Variants in TANGO6 observed in about 807,000 individuals in gnomAD.
The protein encoded by TANGO6 is transport and golgi organization 6 homolog, also known as transport and Golgi organization protein 6 homolog.
A neutral mutation model predicts 114.2 loss-of-function variants in TANGO6; 90 were observed. The ratio of observed to expected loss-of-function variants is 0.79; its 90% CI spans 0.66 to 0.94. TANGO6 has a LOEUF of 0.94. Ranked by LOEUF, TANGO6 falls within the 40% of genes least tolerant of loss-of-function variation. The pLI, the probability that TANGO6 is intolerant of heterozygous loss-of-function variation, is 0.00. For synonymous variants in TANGO6, 477 were observed against 509.8 expected, an observed-to-expected ratio of 0.94 and a Z score of 0.87; for missense variants, 1,274 against 1,315.3, an observed-to-expected ratio of 0.97 and a Z score of 0.49.
At chr16:69,046,078 AAAAATT>A (rs1959853331) in intron 17 of TANGO6, among the ~76,000 whole-genome samples, 2 of 151,596 alleles carry the variant, frequency 1.3e-5, no homozygotes, top group East Asian at 1.9e-4. Context: ...AAAAAAAAAA[AAAAATT>A]AAAATTAAAG....
At chr16:68,925,254 G>A (rs1414594412) in intron 12 of TANGO6, among the ~76,000 whole-genome samples, 1 of 152,090 alleles carries the variant, frequency 6.6e-6, no homozygotes, top group African/African-American at 2.4e-5. Context: ...AGGTTGCAGT[G>A]AGCCAAGATT....
chr16:68,895,195 A>G (rs1962688814), intron 7 of TANGO6, among the ~76,000 whole-genome samples: 2 of 152,138 alleles, frequency 1.3e-5, no homozygotes, highest in Admixed American at 1.3e-4. Flanking sequence ...TAAAAGCAGT[A>G]ACAATTAGCC....
chr16:69,075,480 G>T (rs2152244197), intron 17 of TANGO6, among the ~76,000 whole-genome samples: 1 of 149,922 alleles, frequency 6.7e-6, no homozygotes, highest in South Asian at 2.1e-4. Context: ...TTGAGACAGG[G>T]TCTCACTCTG....
At position 68,878,197 on chromosome 16, in the gene TANGO6, T is replaced by C; in HGVS notation, c.1211T>C (p.Leu404Ser). ...GTTGCCACCACTACCTTTATAACTT[T>C]GTCAAGAGAACGCCCACATTTGGCA... Reference protein sequence around the residue: ...QRVATTTFITLSRERPHLAAK... With the variant: ...QRVATTTFITSSRERPHLAAK... Residue 404 changes from leucine (L) to serine (S), a missense_variant, in exon 6 of 18, where the codon TTG becomes TCG. This residue lies in a region of TANGO6 where 908 missense variants were observed against 910.2 expected (regional missense o/e 1.00). Coordinates refer to ENST00000261778, the MANE Select transcript of TANGO6 (RefSeq NM_024562.2). 3.1e-6 allele frequency: 5 copies of C among 1,613,572 alleles called. No homozygotes were observed. The highest frequency in any genetic ancestry group is 4.2e-6 in the Non-Finnish European group (5 of 1,179,754).
intron 11 of TANGO6, among the ~76,000 whole-genome samples, chr16:68,914,958 T>TAC (rs3061679): frequency 0.12 from 15,679 of 135,092 alleles, 999 homozygotes; most frequent in African/African-American, 0.19. Context: ...TTTTGATATC[T>TAC]ACACACACAC....
At chr16:69,045,965 G>A (rs987223613) in intron 17 of TANGO6, among the ~76,000 whole-genome samples, 2 of 150,570 alleles carry the variant, frequency 1.3e-5, no homozygotes, top group African/African-American at 4.9e-5. Context: ...TCAGGAGGCT[G>A]AGGCAGGAGA....
In TANGO6 at chr16:68,921,430, C is replaced by T. The variant is rs111462642; in HGVS notation, c.2127+2211C>T. Among the ~76,000 whole-genome samples, 758 of 151,964 alleles carry T rather than the reference C, an allele frequency of 5.0e-3. 6 individuals carry two copies. Among genetic ancestry groups the T allele is most frequent in the African/African-American group, 0.017 (723 of 41,522 alleles). ...AACCCCTGACCTCAAGTGATTCACCCGCCTCGGCCTCCCAAAGTGTTACAG... is the reference window on the plus strand; with the variant it reads ...AACCCCTGACCTCAAGTGATTCACCTGCCTCGGCCTCCCAAAGTGTTACAG... On this transcript the variant is annotated intron_variant, in intron 12 of 17. Coordinates refer to ENST00000261778, the MANE Select transcript of TANGO6 (RefSeq NM_024562.2).
At chr16:68,928,639 G>GCA in intron 13 of TANGO6, among the ~76,000 whole-genome samples, 1 of 152,134 alleles carries the variant, frequency 6.6e-6, no homozygotes, top group Admixed American at 6.5e-5. Context: ...TGGGCAGTCA[G>GCA]GAAAAAGAGA....
intron 6 of TANGO6, among the ~76,000 whole-genome samples, chr16:68,880,120 G>A (rs1462945072): frequency 4.6e-5 from 7 of 151,748 alleles, no homozygotes. Flanking sequence ...CTACAGGCCT[G>A]CCCCACCACA....
chr16:68,952,140 C>G (rs1244094566), intron 14 of TANGO6, among the ~76,000 whole-genome samples: 2 of 152,144 alleles, frequency 1.3e-5, no homozygotes, highest in African/African-American at 4.8e-5. Context: ...ACTTTACAAG[C>G]TATTAAGGAG....
intron 17 of TANGO6, among the ~76,000 whole-genome samples, chr16:69,074,798 CTGTGTGTGTGTGTGTGTGTG>C (rs60702668): frequency 1.5e-5 from 2 of 135,172 alleles, no homozygotes; most frequent in Admixed American, 7.7e-5. Context: ...GTTCGAATGC[CTGTGTGTGTGTGTGTGTGTG>C]TGTGTGTGTG....
intron 15 of TANGO6, among the ~76,000 whole-genome samples, chr16:68,997,177 C>T (rs1963999531): frequency 6.6e-6 from 1 of 152,196 alleles, no homozygotes; most frequent in South Asian, 2.1e-4. Context: ...AATTGGGGTT[C>T]AGCCTAGGCG....
chr16:69,046,826 G>A (rs920291084), intron 17 of TANGO6, among the ~76,000 whole-genome samples: 1 of 151,994 alleles, frequency 6.6e-6, no homozygotes, highest in Non-Finnish European at 1.5e-5. Flanking sequence ...GAAAGATGGA[G>A]TACTAGAAAT....
At chr16:69,005,681 G>T (rs1964085912) in intron 15 of TANGO6, among the ~76,000 whole-genome samples, 1 of 151,916 alleles carries the variant, frequency 6.6e-6, no homozygotes. Context: ...CCAGCTACTT[G>T]GGAGGCTGAG....
chr16:69,079,137 C>A lies in TANGO6; in HGVS notation c.3109-4348C>A, dbSNP rs999380784. On this transcript the variant is annotated intron_variant, in intron 17 of 17. Transcript: ENST00000261778. ...GGTCAGGATTGCAAAACCAGCCTGACCAACATGGCAAAACCCTGTCTCTAT... is the reference window on the plus strand; with the variant it reads ...GGTCAGGATTGCAAAACCAGCCTGAACAACATGGCAAAACCCTGTCTCTAT... 4.3e-4 allele frequency among the ~76,000 whole-genome samples: 66 copies of A among 151,902 alleles called. 1 individual carries two copies. The highest frequency in any genetic ancestry group is 1.5e-3 in the African/African-American group (61 of 41,390).
chr16:69,018,546 T>C (rs1355024786), intron 15 of TANGO6, among the ~76,000 whole-genome samples: 2 of 152,054 alleles, frequency 1.3e-5, no homozygotes, highest in African/African-American at 4.8e-5. Context: ...CTCTATTTAC[T>C]CTTCAAACAA....
intron 12 of TANGO6, among the ~76,000 whole-genome samples, chr16:68,924,786 G>A (rs1320167096): frequency 2.0e-5 from 3 of 149,646 alleles, no homozygotes; most frequent in African/African-American, 7.4e-5. Flanking sequence ...GCAAAATTCC[G>A]TCTCAAAAAA....
At chr16:69,067,832 G>A (rs1261571266) in intron 17 of TANGO6, among the ~76,000 whole-genome samples, 1 of 151,798 alleles carries the variant, frequency 6.6e-6, no homozygotes, top group Non-Finnish European at 1.5e-5. Context: ...AGCTACTCGG[G>A]AGGCTGAGGC....
intron 4 of TANGO6, 87 bp downstream of exon 4, chr16:68,867,307 CT>C (rs1962194118): frequency 6.5e-7 from 1 of 1,541,172 alleles, no homozygotes; most frequent in African/African-American, 1.4e-5. Context: ...TAGTATTTAC[CT>C]TTAAAACCTG....
Sources: gnomAD v4.1 joint callset for allele counts (sites outside exome capture counted in the v4.1 genomes callset) on GRCh38, gnomAD v4.1.1 for gene constraint, gnomAD v4.1.1 regional missense constraint, MANE v1.5 for transcripts, NCBI Gene and HGNC (gene_info 2026-07-23, HGNC 2026-07-21) for gene names.